EXT2: variants seen among roughly 807,000 people sequenced by gnomAD.
EXT2 encodes exostosin glycosyltransferase 2.
Under a neutral mutation model 81.6 loss-of-function variants are expected in EXT2, and 53 were observed. That is an observed-to-expected ratio of 0.65 (90% CI 0.52 to 0.82). The LOEUF (loss-of-function observed/expected upper bound fraction) is 0.82. EXT2 is among the 40% of genes least tolerant of loss of function. The pLI is 0.00. For missense variants in EXT2, 774 were observed against 910.2 expected (o/e 0.85, Z 1.93); for synonymous variants, 320 against 340.0 (o/e 0.94, Z 0.65).
intron 7 of EXT2, among the ~76,000 whole-genome samples, chr11:44,139,120 CTT>C (rs397965600): frequency 4.3e-5 from 6 of 139,468 alleles, no homozygotes; most frequent in East Asian, 2.1e-4. Flanking sequence ...TCTCTCTCTC[CTT>C]TTTTTTTTTT....
chr11:44,129,260 G>C (rs1223279841), intron 6 of EXT2, among the ~76,000 whole-genome samples: 1 of 152,142 alleles, frequency 6.6e-6, no homozygotes, highest in Non-Finnish European at 1.5e-5. Flanking sequence ...ACATGGTTAG[G>C]TTATATCATG....
intron 13 of EXT2, among the ~76,000 whole-genome samples, chr11:44,242,339 C>T (rs1246906205): frequency 1.3e-5 from 2 of 152,194 alleles, no homozygotes; most frequent in Non-Finnish European, 2.9e-5. Context: ...TGTTGTCCCA[C>T]GCTTGGTCCA....
At chr11:44,194,656 C>A (rs569199192) in intron 8 of EXT2, among the ~76,000 whole-genome samples, 1 of 152,044 alleles carries the variant, frequency 6.6e-6, no homozygotes, top group Non-Finnish European at 1.5e-5. Flanking sequence ...GAACAATAAC[C>A]GTATCTATCT....
chr11:44,114,651 C>G (rs541594715), intron 4 of EXT2, among the ~76,000 whole-genome samples: 8 of 152,294 alleles, frequency 5.3e-5, no homozygotes, highest in Admixed American at 1.3e-4. Flanking sequence ...CTCCTCTACC[C>G]TAGACCAGGT....
In EXT2 at chr11:44,243,618, C is replaced by CTT. The variant is rs1215047805; in HGVS notation, c.2019-507_2019-506dup. Among the ~76,000 whole-genome samples the CTT allele has an allele frequency of 3.2e-3, 233 of 72,898 alleles. 1 individual carries two copies. The highest frequency in any genetic ancestry group is 0.019 in the East Asian group (36 of 1,872). The allele number at this position is 72,898 out of a possible 152,430, so 47.8% of individuals were successfully genotyped here. ...ATTGTTTGAAATTTGGCCCTGTCAC[C>CTT]TTTTTTTTTTTTTTTTTTTTTTTTT... On this transcript the variant is annotated intron_variant, in intron 13 of 13. Transcript: ENST00000533608.
At chr11:44,157,418 G>A (rs771612752) in intron 7 of EXT2, among the ~76,000 whole-genome samples, 5 of 152,186 alleles carry the variant, frequency 3.3e-5, no homozygotes, top group East Asian at 1.9e-4. Flanking sequence ...TCTATTCTAC[G>A]TGGCTGAGCT....
At chr11:44,203,701 C>T (rs970499370) in intron 9 of EXT2, among the ~76,000 whole-genome samples, 3 of 152,178 alleles carry the variant, frequency 2.0e-5, no homozygotes, top group Non-Finnish European at 4.4e-5. Context: ...GTGCTACTTA[C>T]ACTTGCTAGA....
chr11:44,173,593 G>A (rs1482426149), intron 8 of EXT2, among the ~76,000 whole-genome samples: 1 of 127,644 alleles, frequency 7.8e-6, no homozygotes, highest in African/African-American at 2.9e-5. Context: ...TTTTGAGATG[G>A]AGTCTCGCTC....
chr11:44,169,930 CA>C (rs1955047934), intron 7 of EXT2, among the ~76,000 whole-genome samples: 1 of 151,990 alleles, frequency 6.6e-6, no homozygotes, highest in African/African-American at 2.4e-5. Flanking sequence ...GAAATACTTA[CA>C]TATATATGTA....
At position 44,234,254 on chromosome 11, in the gene EXT2, C is replaced by G. The variant is rs764143899; in HGVS notation, c.1935+11C>G. On this transcript the variant is annotated intron_variant, in intron 12 of 13. Transcript: ENST00000533608. ...AAAGCAGTTATCAAGGTAGGAGGCT[C>G]TGCCACTCACTTGCTTTGTGATCTT... The G allele has an allele frequency of 8.7e-6, 14 of 1,613,038 alleles. No homozygotes were observed. The East Asian group carries it at 2.2e-4, about 26-fold the overall frequency.
chr11:44,228,243 A>G (rs1473318301), intron 10 of EXT2, among the ~76,000 whole-genome samples: 1 of 152,250 alleles, frequency 6.6e-6, no homozygotes, highest in Non-Finnish European at 1.5e-5. Flanking sequence ...GACTTTGTGA[A>G]TAATATAACT....
rs1454397154 is a variant in EXT2 at position 44,234,168 on chromosome 11, A to G, written c.1860A>G (p.Val620=). ...TGCCTGGGGATATCAAGAACTGGGT[A>G]GATGCTCATATGAACTGTGAAGATA... ...YKMPGDIKNW[V]DAHMNCEDIA... The change falls in exon 12 of 14, where the codon GTA becomes GTG. Residue 620 remains valine (V), a synonymous_variant. Transcript: ENST00000533608. The G allele has an allele frequency of 1.2e-6, 2 of 1,614,080 alleles. No individual in the cohort carries two copies. Among genetic ancestry groups the G allele is most frequent in the African/African-American group, 2.7e-5 (2 of 74,948 alleles).
In EXT2 at chr11:44,246,084, G is replaced by A. The variant is rs546775769; in HGVS notation, c.*1797G>A. On this transcript the variant is annotated 3_prime_UTR_variant, in exon 14 of 14. Coordinates refer to ENST00000533608, the MANE Select transcript of EXT2 (RefSeq NM_207122.2). ...CTCATGTATTCATAATATTGGGGAC[G>A]ATATGGTAGAAAGCCAGGAAAAATA... 1.3e-5 allele frequency among the ~76,000 whole-genome samples: 2 copies of A among 152,304 alleles called. No homozygotes were observed. Among genetic ancestry groups the A allele is most frequent in the South Asian group, 2.1e-4 (1 of 4,826 alleles).
Position 44,124,932 on chromosome 11 carries a change from T to A in EXT2, c.887T>A (p.Val296Asp). Residue 296 changes from valine (V) to aspartate (D), a missense_variant, in exon 5 of 14, where the codon GTC (valine) becomes GAC (aspartate). By Grantham distance (152) the Val-to-Asp change is radical (BLOSUM62 -3). Around this residue, in one of 2 missense-constraint regions of EXT2, gnomAD observed 626 missense variants for 670.5 expected, o/e 0.93. Transcript: ENST00000533608. ...AACCTCTCAGAGGGTGTCCTTTCTGTCCGTAAGCGCTGCCACAAGCACCAG... is the reference window on the plus strand; with the variant it reads ...AACCTCTCAGAGGGTGTCCTTTCTGACCGTAAGCGCTGCCACAAGCACCAG... ...CTNLSEGVLS[V>D]RKRCHKHQVF... 6.2e-7 allele frequency: 1 copy of A among 1,613,882 alleles called. No individual in the cohort carries two copies. Among genetic ancestry groups the A allele is most frequent in the Non-Finnish European group, 8.5e-7 (1 of 1,180,026 alleles).
chr11:44,211,715 C>T (rs1005398830), intron 10 of EXT2, among the ~76,000 whole-genome samples: 4 of 152,030 alleles, frequency 2.6e-5, no homozygotes, highest in African/African-American at 4.8e-5. Flanking sequence ...AGTAAGGTGG[C>T]TATAGTTAAT....
chr11:44,114,852 G>C (rs1044044505), intron 4 of EXT2, among the ~76,000 whole-genome samples: 1 of 152,108 alleles, frequency 6.6e-6, no homozygotes, highest in Non-Finnish European at 1.5e-5. Context: ...TCCATCTTTA[G>C]CTTTGTGTCT....
chr11:44,142,050 A>G (rs750315630), intron 7 of EXT2, among the ~76,000 whole-genome samples: 3 of 152,246 alleles, frequency 2.0e-5, no homozygotes, highest in Non-Finnish European at 2.9e-5. Flanking sequence ...AAACTGATTA[A>G]TAAAATAAGT....
In EXT2 at chr11:44,107,932, G is replaced by A. The variant is rs759924417; in HGVS notation, c.220G>A (p.Asp74Asn). 9.3e-6 allele frequency: 15 copies of A among 1,614,088 alleles called. No homozygotes were observed. The highest frequency in any genetic ancestry group is 4.5e-5 in the East Asian group (2 of 44,886). Residue 74 changes from aspartate to asparagine, a missense_variant, in exon 2 of 14, where the codon GAC (aspartate) becomes AAC (asparagine). By Grantham distance (23) the Asp-to-Asn change is conservative. Coordinates refer to ENST00000533608, the MANE Select transcript of EXT2 (RefSeq NM_207122.2). ...TGTGCCGGTTGTTAGGCTGCCAGCCGACAGTCCCATCCCAGAGCGGGGGGA... is the reference window on the plus strand; with the variant it reads ...TGTGCCGGTTGTTAGGCTGCCAGCCAACAGTCCCATCCCAGAGCGGGGGGA... ...RDVPVVRLPADSPIPERGDLS... is the reference protein window; with the variant it reads ...RDVPVVRLPANSPIPERGDLS...
chr11:44,170,160 C>G (rs1955050977), intron 7 of EXT2, among the ~76,000 whole-genome samples: 1 of 151,934 alleles, frequency 6.6e-6, no homozygotes, highest in African/African-American at 2.4e-5. Context: ...CGTTCTCTGA[C>G]CACAGCGCAG....
Sources: gnomAD v4.1 joint callset for allele counts (sites outside exome capture counted in the v4.1 genomes callset) on GRCh38, gnomAD v4.1.1 for gene constraint, gnomAD v4.1.1 regional missense constraint, MANE v1.5 for transcripts, NCBI Gene and HGNC (gene_info 2026-07-23, HGNC 2026-07-21) for gene names.